The following SOCS5 variants were observed in gnomAD, a reference collection of about 807,000 sequenced individuals.
SOCS5 encodes suppressor of cytokine signaling 5.
SOCS5 carries 32 observed loss-of-function variants against 42.8 expected under a neutral mutation model. The observed-to-expected ratio is 0.75, with a 90% CI of 0.56 to 1.01. SOCS5 has a LOEUF of 1.01. Among genes scored for constraint, SOCS5 ranks in the 50% least tolerant of loss-of-function variants. The pLI is 0.00. For synonymous variants in SOCS5, 283 were observed against 229.6 expected (o/e 1.23, Z -2.10); for missense variants, 627 against 653.0 (o/e 0.96, Z 0.43).
intron 1 of SOCS5, among the ~76,000 whole-genome samples, chr2:46,740,119 C>G (rs1673337946): frequency 6.6e-6 from 1 of 152,228 alleles, no homozygotes; most frequent in Non-Finnish European, 1.5e-5. Flanking sequence ...TCAGTGCCTG[C>G]TATTCCTACA....
At chr2:46,724,981 T>C (rs1672961244) in intron 1 of SOCS5, among the ~76,000 whole-genome samples, 1 of 152,058 alleles carries the variant, frequency 6.6e-6, no homozygotes, top group African/African-American at 2.4e-5. Context: ...CCAACTGTCA[T>C]TGTAGATTTG....
chr2:46,751,887 T>C (rs1282193899), intron 1 of SOCS5, among the ~76,000 whole-genome samples: 1 of 152,194 alleles, frequency 6.6e-6, no homozygotes, highest in African/African-American at 2.4e-5. Flanking sequence ...TGTTTTTAAA[T>C]GGTTAATGAA....
intron 1 of SOCS5, among the ~76,000 whole-genome samples, chr2:46,727,836 A>G (rs1673030469): frequency 6.6e-6 from 1 of 151,848 alleles, no homozygotes; most frequent in South Asian, 2.1e-4. Context: ...TCTGCTGCCG[A>G]CCTCTTTTCA....
chr2:46,716,367 A>ATTTTTTTTTTTTTTT (rs35187667), intron 1 of SOCS5, among the ~76,000 whole-genome samples: 17 of 17,040 alleles, frequency 1.0e-3, no homozygotes, highest in Non-Finnish European at 1.3e-3. Flanking sequence ...GAGTGTCTTC[A>ATTTTTTTTTTTTTTT]TTTTTTTTTT....
At chr2:46,734,191 G>T (rs772247222) in intron 1 of SOCS5, among the ~76,000 whole-genome samples, 25 of 151,956 alleles carry the variant, frequency 1.6e-4, no homozygotes, top group African/African-American at 4.6e-4. Context: ...GACACTGGTG[G>T]TTTTTTTTAA....
chr2:46,742,541 T>C (rs548042012), intron 1 of SOCS5, among the ~76,000 whole-genome samples: 2 of 152,360 alleles, frequency 1.3e-5, no homozygotes, highest in Admixed American at 1.3e-4. Context: ...TTTTTTGATA[T>C]ACAGAAATCT....
At chr2:46,715,586 G>T (rs949645336) in intron 1 of SOCS5, among the ~76,000 whole-genome samples, 2 of 152,026 alleles carry the variant, frequency 1.3e-5, no homozygotes, top group Admixed American at 1.3e-4. Context: ...GGAATTCTAG[G>T]TTTTTAGGAT....
intron 1 of SOCS5, among the ~76,000 whole-genome samples, chr2:46,714,205 T>G (rs1672688991): frequency 6.6e-6 from 1 of 152,248 alleles, no homozygotes; most frequent in Non-Finnish European, 1.5e-5. Flanking sequence ...ATTTTCTGTC[T>G]GTGGTTCTGT....
chr2:46,759,319 G>A lies in SOCS5; in HGVS notation c.789G>A (p.Arg263=). Residue 263 remains arginine, a synonymous_variant, in exon 2 of 2, where the codon AGG becomes AGA. Coordinates refer to ENST00000394861, the MANE Select transcript of SOCS5 (RefSeq NM_144949.3). ...SLVSTEDEED[R]LRERRRLSIE... ...TTTCTACAGAAGATGAAGAAGATAGGCTTAGAGAGAGAAGGCGGCTTAGTA... is the reference window on the plus strand; with the variant it reads ...TTTCTACAGAAGATGAAGAAGATAGACTTAGAGAGAGAAGGCGGCTTAGTA... The A allele has an allele frequency of 6.2e-7, 1 of 1,613,916 alleles. No individual in the cohort carries two copies. Among genetic ancestry groups the A allele is most frequent in the Middle Eastern group, 1.7e-4 (1 of 6,056 alleles).
intron 1 of SOCS5, among the ~76,000 whole-genome samples, chr2:46,757,587 C>G (rs928718526): frequency 4.6e-5 from 7 of 151,110 alleles, no homozygotes; most frequent in African/African-American, 1.5e-4. Flanking sequence ...CCTTTCCTGG[C>G]CGGGCATGGT....
chr2:46,701,458 A>C (rs956349104), intron 1 of SOCS5, among the ~76,000 whole-genome samples: 4 of 152,224 alleles, frequency 2.6e-5, no homozygotes, highest in African/African-American at 9.6e-5. Context: ...AGTTGAAGGG[A>C]TTAAATTGCT....
At chr2:46,750,108 A>T (rs932413082) in intron 1 of SOCS5, among the ~76,000 whole-genome samples, 4 of 152,198 alleles carry the variant, frequency 2.6e-5, no homozygotes, top group Non-Finnish European at 1.5e-5. Flanking sequence ...ATTCAAGGTT[A>T]TAGGATTCTT....
In SOCS5 at chr2:46,760,022, T is replaced by G; in HGVS notation, c.1492T>G (p.Tyr498Asp). Residue 498 changes from tyrosine to aspartate, a missense_variant, in exon 2 of 2, where the codon TAT becomes GAT. Around this residue, in one of 3 missense-constraint regions of SOCS5, gnomAD observed 340 missense variants for 367.6 expected, o/e 0.92. Coordinates refer to ENST00000394861, the MANE Select transcript of SOCS5 (RefSeq NM_144949.3). ...CGCGGTAATCTGCAGGTGCACTACG[T>G]ATGATGGAATTGATGGGCTCCCTCT... is the stretch of plus-strand genomic sequence containing the variant. The part of the protein sequence containing the change: ...CRAVICRCTT[Y>D]DGIDGLPLPS... 1 of 1,614,126 alleles carries G rather than the reference T, an allele frequency of 6.2e-7. No individual in the cohort carries two copies.
intron 1 of SOCS5, among the ~76,000 whole-genome samples, chr2:46,710,246 A>C (rs745737332): frequency 6.6e-6 from 1 of 152,156 alleles, no homozygotes; most frequent in Non-Finnish European, 1.5e-5. Context: ...TCCCAGGTTC[A>C]AGCAATTCTC....
intron 1 of SOCS5, among the ~76,000 whole-genome samples, chr2:46,752,978 C>G (rs1237714314): frequency 6.6e-6 from 1 of 152,132 alleles, no homozygotes; most frequent in Non-Finnish European, 1.5e-5. Flanking sequence ...TATCACCATC[C>G]TAGTCAGGTG....
At chr2:46,745,844 G>T (rs1473700983) in intron 1 of SOCS5, among the ~76,000 whole-genome samples, 1 of 152,002 alleles carries the variant, frequency 6.6e-6, no homozygotes, top group Non-Finnish European at 1.5e-5. Flanking sequence ...ATTGAAGAGC[G>T]GCCAGTCAGA....
intron 1 of SOCS5, among the ~76,000 whole-genome samples, chr2:46,745,478 T>A (rs993539866): frequency 6.6e-6 from 1 of 152,174 alleles, no homozygotes; most frequent in Non-Finnish European, 1.5e-5. Context: ...TTTAAATAAC[T>A]CAGTATTATA....
At chr2:46,704,931 C>A (rs1672428334) in intron 1 of SOCS5, among the ~76,000 whole-genome samples, 1 of 152,050 alleles carries the variant, frequency 6.6e-6, no homozygotes, top group African/African-American at 2.4e-5. Flanking sequence ...CACCTCCCAA[C>A]CACTGGGGAG....
chr2:46,741,511 A>T (rs1673375596), intron 1 of SOCS5, among the ~76,000 whole-genome samples: 1 of 152,216 alleles, frequency 6.6e-6, no homozygotes, highest in Non-Finnish European at 1.5e-5. Flanking sequence ...AAAATATTGA[A>T]TCTAATATTT....
Sources: allele counts gnomAD v4.1 joint callset (sites outside exome capture counted in the v4.1 genomes callset), GRCh38; gene constraint gnomAD v4.1.1; regional missense constraint gnomAD v4.1.1; transcripts MANE v1.5; gene names NCBI Gene and HGNC (gene_info 2026-07-23, HGNC 2026-07-21).